The following SNX10 variants were observed in gnomAD, a reference collection of about 807,000 sequenced individuals.
SNX10 encodes sorting nexin 10, also known as sorting nexin-10.
In SNX10, 25 loss-of-function variants were observed where a neutral mutation model predicts 28.5. The ratio of observed to expected loss-of-function variants is 0.88; its 90% confidence interval spans 0.64 to 1.22. The LOEUF (loss-of-function observed/expected upper bound fraction) is 1.22, where lower values mean the gene tolerates loss of function less well. Ranked by LOEUF, SNX10 falls within the 50% of genes most tolerant of loss-of-function variation. The pLI is 0.00. For missense variants in SNX10, 223 were observed against 242.6 expected, an observed-to-expected ratio of 0.92 and a Z score of 0.54; for synonymous variants, 62 against 81.4, an observed-to-expected ratio of 0.76 and a Z score of 1.28.
chr7:26,319,653 C>A (rs1274369818), intron 1 of SNX10, among the ~76,000 whole-genome samples: 2 of 151,778 alleles, frequency 1.3e-5, no homozygotes, highest in Non-Finnish European at 2.9e-5. Context: ...GGAAAAAAGA[C>A]AAAAAAAACC....
intron 1 of SNX10, among the ~76,000 whole-genome samples, chr7:26,338,622 T>G (rs1788041512): frequency 1.3e-5 from 2 of 152,124 alleles, no homozygotes; most frequent in Admixed American, 6.5e-5. Flanking sequence ...GCCAGGATGG[T>G]CTCGATCTCC....
intron 1 of SNX10, among the ~76,000 whole-genome samples, chr7:26,308,247 T>C (rs1786672902): frequency 6.6e-6 from 1 of 152,300 alleles, no homozygotes; most frequent in South Asian, 2.1e-4. Context: ...TCCCCAAGGC[T>C]AATCTTCCCC....
At chr7:26,294,524 G>A (rs565271613) in intron 1 of SNX10, among the ~76,000 whole-genome samples, 1 of 152,142 alleles carries the variant, frequency 6.6e-6, no homozygotes. Flanking sequence ...TATGGGCCAG[G>A]CATTGTGAAA....
chr7:26,303,502 A>C (rs2127994543), intron 1 of SNX10, among the ~76,000 whole-genome samples: 1 of 151,556 alleles, frequency 6.6e-6, no homozygotes, highest in South Asian at 2.1e-4. Context: ...GGCTCCTCCG[A>C]CCCTCTTTGT....
chr7:26,332,475 AGAC>A (rs1787784415), intron 1 of SNX10, among the ~76,000 whole-genome samples: 1 of 152,202 alleles, frequency 6.6e-6, no homozygotes, highest in Non-Finnish European at 1.5e-5. Context: ...GATATAGTTT[AGAC>A]ACAGTCCCTT....
intron 2 of SNX10, among the ~76,000 whole-genome samples, chr7:26,350,200 C>T (rs1788542238): frequency 6.6e-6 from 1 of 152,184 alleles, no homozygotes; most frequent in South Asian, 2.1e-4. Flanking sequence ...GGTATAACAG[C>T]AGCTTCTAGG....
At chr7:26,369,037 G>GGA (rs1562822988) in intron 5 of SNX10, among the ~76,000 whole-genome samples, 1 of 151,758 alleles carries the variant, frequency 6.6e-6, no homozygotes, top group African/African-American at 2.4e-5. Flanking sequence ...CCAGTTTAGG[G>GGA]AAAAAAAACA....
At chr7:26,309,202 C>A (rs539213588) in intron 1 of SNX10, among the ~76,000 whole-genome samples, 52 of 152,196 alleles carry the variant, frequency 3.4e-4, no homozygotes, top group Non-Finnish European at 6.6e-4. Context: ...CCTAGTCAAG[C>A]CTTGCCTTCT....
At chr7:26,294,965 A>AG (rs1171437705) in intron 1 of SNX10, among the ~76,000 whole-genome samples, 4 of 152,234 alleles carry the variant, frequency 2.6e-5, no homozygotes, top group Admixed American at 2.6e-4. Context: ...GCTTCAGTCA[A>AG]GGGCAACTCC....
intron 1 of SNX10, among the ~76,000 whole-genome samples, chr7:26,328,257 GAC>G (rs1787582832): frequency 6.6e-6 from 1 of 152,172 alleles, no homozygotes; most frequent in Non-Finnish European, 1.5e-5. Context: ...AGGAATCAAT[GAC>G]AGTTTCCAGG....
At chr7:26,372,378 GTC>G (rs1789589636) in intron 6 of SNX10, 111 bp from the exon 7 acceptor site, 3 of 725,288 alleles carry the variant, frequency 4.1e-6, no homozygotes, top group Non-Finnish European at 7.3e-6. Flanking sequence ...CAAATTTCCT[GTC>G]TCTCTTTGTG....
intron 2 of SNX10, among the ~76,000 whole-genome samples, chr7:26,358,806 T>TTTTTTTTTTTTTTTGTTTTTG (rs1554360959): frequency 0.064 from 3,371 of 52,316 alleles, 124 homozygotes; most frequent in East Asian, 0.13. Context: ...TTATCTTGTG[T>TTTTTTTTTTTTTTTGTTTTTG]TTTTTTTTTT....
chr7:26,352,820 T>C (rs367809234), intron 2 of SNX10, among the ~76,000 whole-genome samples: 24 of 152,226 alleles, frequency 1.6e-4, no homozygotes, highest in African/African-American at 5.8e-4. Context: ...GGACCACACA[T>C]TGCATTTGGT....
intron 1 of SNX10, among the ~76,000 whole-genome samples, chr7:26,311,411 A>G (rs1417233368): frequency 1.3e-5 from 2 of 152,202 alleles, no homozygotes; most frequent in Non-Finnish European, 1.5e-5. Context: ...TCGGCCTCCA[A>G]AAGTGCCACT....
intron 1 of SNX10, among the ~76,000 whole-genome samples, chr7:26,332,555 A>G (rs1482618243): frequency 6.6e-6 from 1 of 152,168 alleles, no homozygotes; most frequent in African/African-American, 2.4e-5. Context: ...TTGAAGCACA[A>G]AAGTTTTACA....
intron 1 of SNX10, among the ~76,000 whole-genome samples, chr7:26,292,535 C>T (rs138185963): frequency 2.8e-3 from 422 of 152,010 alleles, no homozygotes; most frequent in African/African-American, 9.2e-3. Flanking sequence ...CAGGTTTATT[C>T]GTGGGATTGT....
At chr7:26,326,774 C>T (rs566962709) in intron 1 of SNX10, among the ~76,000 whole-genome samples, 3 of 152,046 alleles carry the variant, frequency 2.0e-5, no homozygotes, top group Non-Finnish European at 4.4e-5. Flanking sequence ...CTATGTTACC[C>T]AGGCTGGTCT....
chr7:26,332,773 T>A (rs1242308318), intron 1 of SNX10, among the ~76,000 whole-genome samples: 2 of 152,224 alleles, frequency 1.3e-5, no homozygotes, highest in Non-Finnish European at 2.9e-5. Context: ...GAGCTCAACT[T>A]CATTCTTTTG....
At chr7:26,327,593 C>T (rs1351569412) in intron 1 of SNX10, among the ~76,000 whole-genome samples, 1 of 152,110 alleles carries the variant, frequency 6.6e-6, no homozygotes, top group Non-Finnish European at 1.5e-5. Flanking sequence ...GATGCTTGTA[C>T]CTGCTTGGTT....
Sources: allele counts gnomAD v4.1 joint callset (sites outside exome capture counted in the v4.1 genomes callset), GRCh38; gene constraint gnomAD v4.1.1; transcripts MANE v1.5; gene names NCBI Gene and HGNC (gene_info 2026-07-23, HGNC 2026-07-21).